KIF5A: variants seen among roughly 807,000 people sequenced by gnomAD.
KIF5A encodes the protein kinesin heavy chain isoform 5A.
A neutral mutation model predicts 141.3 loss-of-function variants in KIF5A; 35 were observed. The observed-to-expected ratio is 0.25, with a 90% confidence interval of 0.19 to 0.33. The LOEUF (loss-of-function observed/expected upper bound fraction) is 0.33, where lower values mean the gene tolerates loss of function less well. KIF5A is among the 10% of genes least tolerant of loss of function. The probability of loss-of-function intolerance (pLI) is 1.00; values close to 1 mark genes in which losing one functional copy is unlikely to be tolerated. For synonymous variants in KIF5A, 448 were observed against 500.2 expected, an observed-to-expected ratio of 0.90 and a Z score of 1.39; for missense variants, 861 against 1,314.3, an observed-to-expected ratio of 0.66 and a Z score of 5.33.
At position 57,572,607 on chromosome 12, in the gene KIF5A, T is replaced by C. The variant is rs2140165541; in HGVS notation, c.1597T>C (p.Leu533=). The change falls in exon 15 of 29, where the codon TTG becomes CTG. Residue 533 remains leucine, a synonymous_variant. Transcript: ENST00000455537. The surrounding 1 kb of genome is among the most constrained non-coding windows in gnomAD (Gnocchi z 4.2). The part of the protein sequence containing the change: ...VATMLSLESE[L]QRLQEVSGHQ... ...CACCATGCTGTCCCTGGAGTCTGAG[T>C]TGCAGCGGCTACAGGAGGTCAGTGG... The C allele has an allele frequency of 6.2e-7, 1 of 1,614,176 alleles. No homozygotes were observed. Among genetic ancestry groups the C allele is most frequent in the Non-Finnish European group, 8.5e-7 (1 of 1,180,036 alleles).
chr12:57,581,937 G>A lies in KIF5A; in HGVS notation c.2977G>A (p.Ala993Thr). The change falls in exon 26 of 29, where the codon GCC (alanine) becomes ACC (threonine). Residue 993 changes from alanine (A) to threonine (T), a missense_variant. Ala to Thr is a moderately conservative substitution (Grantham distance 58). Coordinates refer to ENST00000455537, the MANE Select transcript of KIF5A (RefSeq NM_004984.4). The part of the protein sequence containing the change: ...SGGPLASYQK[A>T]NMDNGNATDI... ...CGGCCCCTTGGCTTCCTACCAGAAG[G>A]CCAACATGGACAATGGTGAGTGAAA... is the stretch of plus-strand genomic sequence containing the variant. 1 of 1,613,968 alleles carries A rather than the reference G, an allele frequency of 6.2e-7. No individual in the cohort carries two copies. Among genetic ancestry groups the A allele is most frequent in the Non-Finnish European group, 8.5e-7 (1 of 1,179,876 alleles).
intron 10 of KIF5A, 24 bp downstream of exon 10, chr12:57,569,428 G>T (rs1163487149): frequency 1.2e-6 from 2 of 1,613,846 alleles, no homozygotes; most frequent in Admixed American, 1.7e-5. Flanking sequence ...TCCCCAGAGG[G>T]ATCCCTGGTA....
chr12:57,580,880 C>A, intron 23 of KIF5A, 76 bp from the exon 24 acceptor site: 1 of 1,323,470 alleles, frequency 7.6e-7, no homozygotes, highest in Non-Finnish European at 1.1e-6. Flanking sequence ...TCACCCCTGT[C>A]CCCTACGCTC....
chr12:57,572,314 C>T lies in KIF5A; in HGVS notation c.1569+47C>T, dbSNP rs1215859828. 1.3e-6 allele frequency: 2 copies of T among 1,538,242 alleles called. No homozygotes were observed. Among genetic ancestry groups the T allele is most frequent in the Non-Finnish European group, 1.8e-6 (2 of 1,134,020 alleles). ...CAACAGCTCCCTGACCACAGAACAT[C>T]TCCCATGTCGAGGGGACCTCTGCAT... On this transcript the variant is annotated intron_variant, in intron 14 of 28. Transcript: ENST00000455537. The surrounding 1 kb of genome is among the most constrained non-coding windows in gnomAD (Gnocchi z 4.2).
intron 25 of KIF5A, 31 bp from the exon 26 acceptor site, chr12:57,581,839 A>G: frequency 2.5e-6 from 4 of 1,597,924 alleles, no homozygotes; most frequent in Non-Finnish European, 3.4e-6. Flanking sequence ...GGTGGGTGTC[A>G]GAGGCTGCCT....
At chr12:57,583,335 A>G in intron 28 of KIF5A, 120 bp downstream of exon 28, 1 of 667,036 alleles carries the variant, frequency 1.5e-6, no homozygotes, top group Admixed American at 2.4e-5. Flanking sequence ...TTAATTATGT[A>G]GTTACCCCTC....
intron 25 of KIF5A, 29 bp downstream of exon 25, chr12:57,581,597 C>T (rs1174081357): frequency 6.2e-7 from 1 of 1,612,810 alleles, no homozygotes; most frequent in East Asian, 2.2e-5. Context: ...GGGTTGGAGT[C>T]CCACCCAAAG....
At chr12:57,579,996 C>G (rs911452233) in intron 23 of KIF5A, among the ~76,000 whole-genome samples, 15 of 152,338 alleles carry the variant, frequency 9.8e-5, no homozygotes, top group African/African-American at 3.6e-4. Flanking sequence ...GAGATAAAAA[C>G]TTCTCAGTTA....
intron 1 of KIF5A, among the ~76,000 whole-genome samples, chr12:57,561,916 A>G (rs1461490681): frequency 2.6e-5 from 4 of 152,256 alleles, no homozygotes; most frequent in Non-Finnish European, 5.9e-5. Flanking sequence ...TAGTTAAAAC[A>G]TATCTCCCAA....
intron 2 of KIF5A, 39 bp downstream of exon 2, chr12:57,563,565 C>T: frequency 1.2e-6 from 2 of 1,605,534 alleles, no homozygotes; most frequent in Non-Finnish European, 1.7e-6. Flanking sequence ...TCTCAGCACC[C>T]CATTTCCTAC....
At chr12:57,563,913 C>A (rs574672686) in intron 3 of KIF5A, among the ~76,000 whole-genome samples, 195 bp from the exon 4 acceptor site, 3 of 152,142 alleles carry the variant, frequency 2.0e-5, no homozygotes, top group Non-Finnish European at 2.9e-5. Context: ...TTCTTTTGAT[C>A]GGGAAAAGCA....
chr12:57,553,122 C>CT (rs1881629188), intron 1 of KIF5A, among the ~76,000 whole-genome samples: 1 of 152,084 alleles, frequency 6.6e-6, no homozygotes, highest in African/African-American at 2.4e-5. Context: ...TCCAGTGTGA[C>CT]TTTTTCGCCA....
intron 1 of KIF5A, among the ~76,000 whole-genome samples, chr12:57,560,019 G>A (rs1400507046): frequency 6.6e-6 from 1 of 152,154 alleles, no homozygotes; most frequent in African/African-American, 2.4e-5. Context: ...AGCCTCCCAA[G>A]TAGCTGAGAT....
chr12:57,552,152 G>C (rs918490396), intron 1 of KIF5A, among the ~76,000 whole-genome samples: 3 of 152,198 alleles, frequency 2.0e-5, no homozygotes, highest in Admixed American at 2.0e-4. Context: ...CAGGAGGAGG[G>C]TGATGATGGG....
intron 8 of KIF5A, among the ~76,000 whole-genome samples, chr12:57,567,905 C>T (rs1457183228): frequency 4.7e-5 from 7 of 148,324 alleles, no homozygotes; most frequent in Non-Finnish European, 7.4e-5. Flanking sequence ...TTTTTTGAGA[C>T]GGATTCTTGC....
intron 15 of KIF5A, among the ~76,000 whole-genome samples, chr12:57,573,705 T>A (rs1271953524): frequency 6.6e-6 from 1 of 151,722 alleles, no homozygotes; most frequent in Non-Finnish European, 1.5e-5. Flanking sequence ...GGCTCATGCC[T>A]GTAATCCCAG....
chr12:57,558,245 A>G (rs1217115437), intron 1 of KIF5A, among the ~76,000 whole-genome samples: 3 of 151,792 alleles, frequency 2.0e-5, no homozygotes, highest in Non-Finnish European at 4.4e-5. Flanking sequence ...TCTCTACTAA[A>G]AATATAAAAA....
chr12:57,552,779 G>A (rs1453794635), intron 1 of KIF5A, among the ~76,000 whole-genome samples: 6 of 152,152 alleles, frequency 3.9e-5, no homozygotes, highest in Non-Finnish European at 5.9e-5. Flanking sequence ...CTAGGAAGGT[G>A]CGGGAAGAGT....
intron 1 of KIF5A, among the ~76,000 whole-genome samples, chr12:57,561,609 A>G (rs1881910710): frequency 6.6e-6 from 1 of 152,180 alleles, no homozygotes; most frequent in African/African-American, 2.4e-5. Context: ...AAAAACATTT[A>G]TTAGTTTTCT....
Sources: gnomAD v4.1 joint callset for allele counts (sites outside exome capture counted in the v4.1 genomes callset) on GRCh38, gnomAD v4.1.1 for gene constraint, Gnocchi (gnomAD v3.1) non-coding constraint, MANE v1.5 for transcripts, NCBI Gene and HGNC (gene_info 2026-07-23, HGNC 2026-07-21) for gene names.